Variants in DUSP22 observed in about 807,000 individuals in gnomAD.
The protein encoded by DUSP22 is dual specificity phosphatase 22, also known as dual specificity protein phosphatase 22.
Under a neutral mutation model 24.5 loss-of-function variants are expected in DUSP22, and 24 were observed. The observed-to-expected ratio is 0.98, with a 90% CI of 0.71 to 1.38. The LOEUF (loss-of-function observed/expected upper bound fraction) is 1.38. DUSP22 is among the 40% of genes most tolerant of loss of function. DUSP22 has a pLI of 0.00. For missense variants in DUSP22, 330 were observed against 269.2 expected, an observed-to-expected ratio of 1.23 and a Z score of -1.58; for synonymous variants, 160 against 106.4, an observed-to-expected ratio of 1.50 and a Z score of -3.10.
At chr6:311,846 T>C in intron 2 of DUSP22, 34 bp from the exon 3 acceptor site, 2 of 1,596,712 alleles carry the variant, frequency 1.3e-6, no homozygotes, top group Non-Finnish European at 1.7e-6. Context: ...CTTGCAAAGA[T>C]ATCAAAATGT....
Position 348,415 on chromosome 6 carries a change from C to T in DUSP22, c.435+141C>T, listed in dbSNP as rs1581196979. ...CATCGGCTCCCAGGGCGCCCAGCTG[C>T]ACCCCTTCAGAAGTCGTCACGATCC... On this transcript the variant is annotated intron_variant, in intron 6 of 6. Coordinates refer to ENST00000419235, the MANE Select transcript of DUSP22 (RefSeq NM_001286555.3). The T allele has an allele frequency of 2.0e-5, 27 of 1,374,644 alleles. No individual in the cohort carries two copies. The East Asian group carries it at 6.2e-4, about 32-fold the overall frequency. 85.2% of individuals were successfully genotyped at this position (1,374,644 alleles called of 1,614,324 possible). A position where few individuals can be genotyped will look rare whatever the true frequency, so the allele number is the denominator to read the frequency against.
intron 4 of DUSP22, among the ~76,000 whole-genome samples, chr6:338,660 G>A (rs879583237): frequency 3.3e-5 from 5 of 152,394 alleles, no homozygotes; most frequent in South Asian, 2.1e-4. Flanking sequence ...AAAAATTCTC[G>A]GTGCTTCAGA....
intron 1 of DUSP22, 34 bp from the exon 2 acceptor site, chr6:304,594 G>A (rs762625031): frequency 1.2e-6 from 2 of 1,614,174 alleles, no homozygotes; most frequent in Non-Finnish European, 1.7e-6. Context: ...CTTAGAGTCT[G>A]CCATGCTCAT....
At chr6:322,800 A>C (rs1184982904) in intron 3 of DUSP22, among the ~76,000 whole-genome samples, 2 of 118,924 alleles carry the variant, frequency 1.7e-5, no homozygotes, top group Non-Finnish European at 3.3e-5. Context: ...CATCTAGTCC[A>C]GGGAGATTCC....
chr6:326,995 T>A (rs898730748), intron 3 of DUSP22, among the ~76,000 whole-genome samples: 1 of 152,310 alleles, frequency 6.6e-6, no homozygotes, highest in African/African-American at 2.4e-5. Flanking sequence ...CAGGGAATAT[T>A]TGGGGCTTTG....
At chr6:320,495 G>A (rs573107818) in intron 3 of DUSP22, 309 of 152,946 alleles carry the variant, frequency 2.0e-3, no homozygotes, top group Non-Finnish European at 3.0e-3. Context: ...AGCATGCAGC[G>A]CGTGGGCTCC....
intron 2 of DUSP22, among the ~76,000 whole-genome samples, chr6:306,162 T>G (rs1757806533): frequency 6.6e-6 from 1 of 152,310 alleles, no homozygotes; most frequent in Non-Finnish European, 1.5e-5. Flanking sequence ...ACGTCAGAGT[T>G]ATTTAGTGAG....
At chr6:337,892 A>T (rs531536814) in intron 4 of DUSP22, 1 of 152,478 alleles carries the variant, frequency 6.6e-6, no homozygotes, top group East Asian at 1.9e-4. Flanking sequence ...CCTTTGATGT[A>T]TCTGGATGAC....
chr6:340,926 C>G (rs1759578090), intron 4 of DUSP22, among the ~76,000 whole-genome samples: 1 of 152,300 alleles, frequency 6.6e-6, no homozygotes, highest in Non-Finnish European at 1.5e-5. Context: ...GTGTGATGTA[C>G]AAGCTCATCC....
chr6:337,668 T>C (rs1759418093), intron 4 of DUSP22, among the ~76,000 whole-genome samples: 1 of 152,300 alleles, frequency 6.6e-6, no homozygotes, highest in Non-Finnish European at 1.5e-5. Flanking sequence ...GGTGCAATTT[T>C]GTTACATGGA....
At position 350,898 on chromosome 6, in the gene DUSP22, C is replaced by A. The variant is rs771367035; in HGVS notation, c.*1947C>A. Reference sequence around the variant, plus strand: ...CCTGAAGTTTCTGAAATATTGCAAACCCACAGAGTTTAGGCTGGTGCTGCC... The same window carrying A: ...CCTGAAGTTTCTGAAATATTGCAAAACCACAGAGTTTAGGCTGGTGCTGCC... On this transcript the variant is annotated 3_prime_UTR_variant, in exon 7 of 7. Coordinates refer to ENST00000419235, the MANE Select transcript of DUSP22 (RefSeq NM_001286555.3). The A allele has an allele frequency of 2.2e-5, 35 of 1,613,700 alleles. No homozygotes were observed.
intron 3 of DUSP22, among the ~76,000 whole-genome samples, chr6:322,832 G>GA (rs1345063146): frequency 1.3e-4 from 18 of 135,814 alleles, no homozygotes; most frequent in African/African-American, 5.0e-4. Flanking sequence ...CTGCTTGGTG[G>GA]GGCGGGGGGG....
intron 2 of DUSP22, among the ~76,000 whole-genome samples, chr6:309,989 C>G (rs1219885707): frequency 6.6e-6 from 1 of 152,306 alleles, no homozygotes; most frequent in East Asian, 1.9e-4. Context: ...GAGATAGACT[C>G]TCACTCTGTT....
At chr6:336,624 G>T (rs1327406803) in intron 4 of DUSP22, among the ~76,000 whole-genome samples, 1 of 152,308 alleles carries the variant, frequency 6.6e-6, no homozygotes, top group Non-Finnish European at 1.5e-5. Flanking sequence ...GAGGGGAACG[G>T]GAGGTGGGAA....
intron 4 of DUSP22, among the ~76,000 whole-genome samples, chr6:339,417 A>G (rs1384145996): frequency 2.0e-5 from 3 of 152,298 alleles, no homozygotes; most frequent in African/African-American, 7.2e-5. Flanking sequence ...CTGTCTATTC[A>G]AGTAAAGAGT....
chr6:304,106 C>T (rs1393070479), intron 1 of DUSP22, among the ~76,000 whole-genome samples: 1 of 152,310 alleles, frequency 6.6e-6, no homozygotes, highest in African/African-American at 2.4e-5. Context: ...TTTTCCCCGA[C>T]AGAAAGATGG....
At chr6:347,598 G>A (rs982198479) in intron 5 of DUSP22, among the ~76,000 whole-genome samples, 27 of 152,418 alleles carry the variant, frequency 1.8e-4, no homozygotes, top group Non-Finnish European at 3.4e-4. Context: ...GTCAGGAAGA[G>A]TACAAAAGTA....
chr6:340,533 T>C (rs1244700636), intron 4 of DUSP22, among the ~76,000 whole-genome samples: 2 of 152,304 alleles, frequency 1.3e-5, no homozygotes, highest in African/African-American at 4.8e-5. Context: ...AAAAACTTTT[T>C]TTTCTAAGCA....
At chr6:348,318 CT>C (rs1759989238) in intron 6 of DUSP22, 44 bp downstream of exon 6, 15 of 1,610,494 alleles carry the variant, frequency 9.3e-6, no homozygotes, top group African/African-American at 1.3e-5. Flanking sequence ...GCAGGTGCCC[CT>C]GAACGGTGCC....
Sources: gnomAD v4.1 joint callset for allele counts (sites outside exome capture counted in the v4.1 genomes callset) on GRCh38, gnomAD v4.1.1 for gene constraint, MANE v1.5 for transcripts, NCBI Gene and HGNC (gene_info 2026-07-23, HGNC 2026-07-21) for gene names.